RNF138: variants seen among roughly 807,000 people sequenced by gnomAD.
RNF138 encodes E3 ubiquitin-protein ligase RNF138.
In RNF138, 12 loss-of-function variants were observed where a neutral mutation model predicts 31.0. The observed-to-expected ratio is 0.39, with a 90% CI of 0.25 to 0.63. The LOEUF is 0.63. Ranked by LOEUF, RNF138 falls within the 20% of genes least tolerant of loss-of-function variation. The pLI, the probability that RNF138 is intolerant of heterozygous loss-of-function variation, is 0.52. For missense variants in RNF138, 192 were observed against 300.1 expected, an observed-to-expected ratio of 0.64 and a Z score of 2.66; for synonymous variants, 105 against 99.5, an observed-to-expected ratio of 1.06 and a Z score of -0.33.
chr18:32,125,091 G>A (rs574807447), intron 6 of RNF138: 4 of 332,538 alleles, frequency 1.2e-5, no homozygotes, highest in Non-Finnish European at 2.2e-5. Flanking sequence ...CTGGAGAAGA[G>A]TGAAGTAATG....
At chr18:32,115,701 C>T (rs2040203610) in intron 4 of RNF138, among the ~76,000 whole-genome samples, 1 of 152,138 alleles carries the variant, frequency 6.6e-6, no homozygotes, top group Non-Finnish European at 1.5e-5. Flanking sequence ...GCCGAGAGCA[C>T]ATCACTGCAC....
chr18:32,124,474 G>GGTTTTT (rs900340573), intron 5 of RNF138: 5 of 350,130 alleles, frequency 1.4e-5, no homozygotes, highest in South Asian at 4.9e-5. Context: ...GAGTCAGCTA[G>GGTTTTT]GTTTTTGTTT....
At chr18:32,096,883 A>G (rs772996006) in intron 2 of RNF138, among the ~76,000 whole-genome samples, 3 of 152,000 alleles carry the variant, frequency 2.0e-5, no homozygotes, top group Non-Finnish European at 4.4e-5. Context: ...GGCACTCACC[A>G]CCATGCCTGG....
At chr18:32,102,536 A>G (rs969383369) in intron 2 of RNF138, among the ~76,000 whole-genome samples, 7 of 151,352 alleles carry the variant, frequency 4.6e-5, no homozygotes, top group African/African-American at 1.7e-4. Flanking sequence ...GTTTTTAATA[A>G]TATCACTAGT....
intron 1 of RNF138, 79 bp from the exon 2 acceptor site, chr18:32,092,620 GC>G (rs1277782008): frequency 1.6e-6 from 1 of 622,140 alleles, no homozygotes; most frequent in Admixed American, 2.4e-5. Context: ...GTTCGGCCCC[GC>G]CCTACCCAGG....
intron 4 of RNF138, among the ~76,000 whole-genome samples, chr18:32,117,195 G>A (rs1425218205): frequency 1.3e-5 from 2 of 152,010 alleles, no homozygotes; most frequent in Admixed American, 6.6e-5. Context: ...AACCACCCGC[G>A]CCCAGCCAGA....
At chr18:32,096,757 G>A (rs2039813410) in intron 2 of RNF138, among the ~76,000 whole-genome samples, 1 of 152,040 alleles carries the variant, frequency 6.6e-6, no homozygotes, top group African/African-American at 2.4e-5. Context: ...TTTGAAATAG[G>A]GTCTCGCTCT....
chr18:32,092,802 C>T lies in RNF138; in HGVS notation c.26C>T (p.Thr9Met). MAEDLSAA[T>M]SYTEDDFYCP... is the part of the protein sequence containing the mutation. Reference sequence around the variant, plus strand: ...ATGGCCGAGGACCTCTCTGCGGCCACGTCCTACACCGAAGATGATTTCTAC... The same window carrying T: ...ATGGCCGAGGACCTCTCTGCGGCCATGTCCTACACCGAAGATGATTTCTAC... The change falls in exon 2 of 8, where the codon ACG (threonine) becomes ATG (methionine). Residue 9 changes from threonine (T) to methionine (M), a missense_variant. This residue lies in a region of RNF138 where 52 missense variants were observed against 48.4 expected (regional missense o/e 1.07). Transcript: ENST00000261593. 6.3e-7 allele frequency: 1 copy of T among 1,594,470 alleles called. No individual in the cohort carries two copies. The highest frequency in any genetic ancestry group is 1.1e-5 in the South Asian group (1 of 87,854).
chr18:32,097,680 GTTTT>G (rs1360949789), intron 2 of RNF138, among the ~76,000 whole-genome samples: 1 of 151,682 alleles, frequency 6.6e-6, no homozygotes, highest in African/African-American at 2.4e-5. Context: ...GCTAATTTTT[GTTTT>G]TTGTTTTTTT....
intron 5 of RNF138, 85 bp from the exon 6 acceptor site, chr18:32,124,649 T>C: frequency 1.4e-6 from 1 of 710,536 alleles, no homozygotes; most frequent in Admixed American, 2.2e-5. Context: ...TTTTAAAAAA[T>C]GTATAGTGAT....
intron 2 of RNF138, among the ~76,000 whole-genome samples, chr18:32,097,614 G>C (rs1380641901): frequency 6.6e-6 from 1 of 151,998 alleles, no homozygotes; most frequent in Non-Finnish European, 1.5e-5. Context: ...CTCCTGAGTA[G>C]CTGGGACTAC....
chr18:32,127,254 G>A (rs571604684), intron 7 of RNF138, among the ~76,000 whole-genome samples: 20 of 152,136 alleles, frequency 1.3e-4, no homozygotes, highest in Non-Finnish European at 2.4e-4. Flanking sequence ...ATCAGGCAAA[G>A]CCAGGTTACA....
intron 4 of RNF138, among the ~76,000 whole-genome samples, chr18:32,122,855 T>C (rs565923732): frequency 6.6e-6 from 1 of 152,172 alleles, no homozygotes; most frequent in East Asian, 1.9e-4. Flanking sequence ...ATAAATAAAA[T>C]TGACCACATT....
At chr18:32,115,274 G>GT (rs1439760584) in intron 4 of RNF138, among the ~76,000 whole-genome samples, 3 of 152,116 alleles carry the variant, frequency 2.0e-5, no homozygotes, top group Non-Finnish European at 4.4e-5. Context: ...CTTGGTCATA[G>GT]ACACTTGATT....
At chr18:32,092,530 G>GT (rs1180128673) in intron 1 of RNF138, 170 bp from the exon 2 acceptor site, 104 of 491,866 alleles carry the variant, frequency 2.1e-4, no homozygotes, top group South Asian at 3.3e-4. Context: ...GCCAAGCACC[G>GT]TCCCCCATCC....
At chr18:32,112,685 A>C (rs1462456752) in intron 3 of RNF138, among the ~76,000 whole-genome samples, 1 of 147,884 alleles carries the variant, frequency 6.8e-6, no homozygotes, top group African/African-American at 2.4e-5. Context: ...GCTGTCTAAA[A>C]AAAAAGAAGA....
intron 2 of RNF138, among the ~76,000 whole-genome samples, chr18:32,110,246 T>G (rs1156502424): frequency 4.6e-5 from 7 of 152,136 alleles, no homozygotes; most frequent in Admixed American, 4.6e-4. Context: ...TCCTGCCTTG[T>G]CCTCCCAAAG....
chr18:32,095,452 G>A (rs997000886), intron 2 of RNF138, among the ~76,000 whole-genome samples: 1 of 152,144 alleles, frequency 6.6e-6, no homozygotes, highest in African/African-American at 2.4e-5. Context: ...GATGACAGGC[G>A]TGAGGCATGG....
At chr18:32,122,759 G>C (rs1471441676) in intron 4 of RNF138, among the ~76,000 whole-genome samples, 1 of 152,182 alleles carries the variant, frequency 6.6e-6, no homozygotes, top group African/African-American at 2.4e-5. Flanking sequence ...AGGAGGCAGA[G>C]GTTGCAGTGA....
Sources: allele counts gnomAD v4.1 joint callset (sites outside exome capture counted in the v4.1 genomes callset), GRCh38; gene constraint gnomAD v4.1.1; regional missense constraint gnomAD v4.1.1; transcripts MANE v1.5; gene names NCBI Gene and HGNC (gene_info 2026-07-23, HGNC 2026-07-21).